INPP5A: variants seen among roughly 807,000 people sequenced by gnomAD.
The protein encoded by INPP5A is inositol polyphosphate-5-phosphatase A, also known as 43 kDa inositol polyphosphate 5-phophatase.
A neutral mutation model predicts 65.2 loss-of-function variants in INPP5A; 14 were observed. The ratio of observed to expected loss-of-function variants is 0.21; its 90% confidence interval spans 0.14 to 0.34. The LOEUF is 0.34. INPP5A is among the 10% of genes least tolerant of loss of function. INPP5A has a pLI of 1.00. For missense variants in INPP5A, 431 were observed against 545.6 expected (o/e 0.79, Z 2.09); for synonymous variants, 207 against 208.3 (o/e 0.99, Z 0.05).
intron 1 of INPP5A, among the ~76,000 whole-genome samples, chr10:132,599,791 G>A (rs550906326): frequency 3.3e-5 from 5 of 152,262 alleles, no homozygotes; most frequent in African/African-American, 1.2e-4. Context: ...CCAAACCTCA[G>A]TTCTTGTCTT....
At chr10:132,622,185 T>C (rs2072119223) in intron 2 of INPP5A, among the ~76,000 whole-genome samples, 1 of 152,160 alleles carries the variant, frequency 6.6e-6, no homozygotes, top group Non-Finnish European at 1.5e-5. Context: ...TATGTCAATA[T>C]CTCTGTACTG....
rs557251892 is a variant in INPP5A at position 132,659,405 on chromosome 10, C to T, written c.306+8900C>T. 7.5e-4 allele frequency among the ~76,000 whole-genome samples: 114 copies of T among 152,232 alleles called. No individual in the cohort carries two copies. The highest frequency in any genetic ancestry group is 2.7e-3 in the African/African-American group (113 of 41,558). ...GAGGGTTCCCTAGCTCTGGGTGAGG[C>T]GGGAGTGGTGGGCAGTGCTGGCCAT... On this transcript the variant is annotated intron_variant, in intron 4 of 15. Transcript: ENST00000368594. The surrounding 1 kb of genome is among the most constrained non-coding windows in gnomAD (Gnocchi z 5.5).
intron 1 of INPP5A, among the ~76,000 whole-genome samples, chr10:132,586,916 T>G (rs186624378): frequency 6.6e-6 from 1 of 152,186 alleles, no homozygotes; most frequent in Non-Finnish European, 1.5e-5. Context: ...GTGCCCACTT[T>G]GTGTTTGTAA....
chr10:132,756,194 T>C (rs1324360162), intron 11 of INPP5A, among the ~76,000 whole-genome samples: 1 of 152,186 alleles, frequency 6.6e-6, no homozygotes, highest in Non-Finnish European at 1.5e-5. Flanking sequence ...TGTACACATA[T>C]GTGTGTGCGT....
intron 13 of INPP5A, among the ~76,000 whole-genome samples, chr10:132,779,353 C>T (rs1209851910): frequency 1.3e-5 from 2 of 152,264 alleles, no homozygotes; most frequent in Non-Finnish European, 2.9e-5. Flanking sequence ...AGGGCTGCCA[C>T]CAGCGGGGCA....
chr10:132,747,132 C>T (rs1479522575), intron 9 of INPP5A, among the ~76,000 whole-genome samples: 10 of 152,228 alleles, frequency 6.6e-5, no homozygotes, highest in Non-Finnish European at 1.0e-4. Flanking sequence ...CTACAATGGC[C>T]GTCTGCCTGC....
intron 9 of INPP5A, among the ~76,000 whole-genome samples, chr10:132,731,039 C>T (rs1257974459): frequency 6.6e-6 from 1 of 152,216 alleles, no homozygotes; most frequent in Admixed American, 6.5e-5. Flanking sequence ...TCAGCTGCTC[C>T]CCAGTGCATC....
chr10:132,612,655 A>C (rs1269493662), intron 2 of INPP5A, among the ~76,000 whole-genome samples: 1 of 151,982 alleles, frequency 6.6e-6, no homozygotes, highest in Admixed American at 6.5e-5. Context: ...CGCTGGCTGG[A>C]GGGGCCCTTG....
chr10:132,652,139 T>C (rs2072586372), intron 4 of INPP5A, among the ~76,000 whole-genome samples: 1 of 151,954 alleles, frequency 6.6e-6, no homozygotes, highest in Admixed American at 6.5e-5. Flanking sequence ...CCTCTCACTC[T>C]CCTCTGCCAT....
chr10:132,765,652 G>T, intron 11 of INPP5A, 121 bp from the exon 12 acceptor site: 1 of 675,024 alleles, frequency 1.5e-6, no homozygotes. Flanking sequence ...GACAGATGTG[G>T]CGGCTCTGGG....
chr10:132,634,807 A>G (rs1448795420), intron 2 of INPP5A, among the ~76,000 whole-genome samples: 2 of 152,220 alleles, frequency 1.3e-5, no homozygotes, highest in African/African-American at 4.8e-5. Context: ...TGGCCCTCCC[A>G]GGCTCTCGGC....
intron 4 of INPP5A, among the ~76,000 whole-genome samples, chr10:132,656,854 C>G (rs910435881): frequency 9.2e-5 from 14 of 152,234 alleles, no homozygotes; most frequent in Admixed American, 3.9e-4. Context: ...CAGGGCTCCA[C>G]AGGCCTGGGC....
chr10:132,747,546 C>T (rs1272333115), intron 9 of INPP5A, among the ~76,000 whole-genome samples: 3 of 152,218 alleles, frequency 2.0e-5, no homozygotes, highest in South Asian at 2.1e-4. Context: ...AGCGCATGCC[C>T]GGAACCTGCA....
At chr10:132,742,173 A>G (rs777228308) in intron 9 of INPP5A, among the ~76,000 whole-genome samples, 1 of 152,366 alleles carries the variant, frequency 6.6e-6, no homozygotes. Context: ...AGTGCTCCTC[A>G]TAGGAGCCTG....
At position 132,705,300 on chromosome 10, in the gene INPP5A, C is replaced by A. The variant is rs1171286781; in HGVS notation, c.475-3013C>A. ...TCAGAGACAAGTGTCTGGTGCAGCA[C>A]GCAGGGAGCCTGCCACCCCGCCACC... On this transcript the variant is annotated intron_variant, in intron 6 of 15. Transcript: ENST00000368594. The surrounding 1 kb of genome is among the most constrained non-coding windows in gnomAD (Gnocchi z 4.9). 6.6e-6 allele frequency among the ~76,000 whole-genome samples: 1 copy of A among 152,196 alleles called. No homozygotes were observed. Among genetic ancestry groups the A allele is most frequent in the Non-Finnish European group, 1.5e-5 (1 of 68,024 alleles).
intron 4 of INPP5A, among the ~76,000 whole-genome samples, chr10:132,680,961 G>C (rs554010311): frequency 2.0e-5 from 3 of 152,192 alleles, no homozygotes; most frequent in African/African-American, 7.2e-5. Flanking sequence ...CTGTGCGGCC[G>C]GAGCCTCCCC....
chr10:132,565,527 A>G (rs2071261153), intron 1 of INPP5A, among the ~76,000 whole-genome samples: 1 of 152,212 alleles, frequency 6.6e-6, no homozygotes. Context: ...AACAGGCAAG[A>G]CAAAAGCCTT....
Position 132,663,361 on chromosome 10 carries a change from A to G in INPP5A, c.306+12856A>G, listed in dbSNP as rs78275516. ...CTCAGCCTCCCAAGTAGCTGAGGAT[A>G]CAGGTGTGCATCACCACGCCTGGCT... On this transcript the variant is annotated intron_variant, in intron 4 of 15. Transcript: ENST00000368594. This position sits in a 1 kb window ranked among gnomAD's most constrained non-coding sequence, Gnocchi z 4.5. Among the ~76,000 whole-genome samples, 2,304 of 152,072 alleles carry G rather than the reference A, an allele frequency of 0.015. 49 individuals carry two copies. The highest frequency in any genetic ancestry group is 0.052 in the African/African-American group (2,142 of 41,468).
chr10:132,743,161 G>T (rs1379818258), intron 9 of INPP5A, among the ~76,000 whole-genome samples: 3 of 137,760 alleles, frequency 2.2e-5, no homozygotes, highest in Non-Finnish European at 3.3e-5. Context: ...GCCCCAGCAG[G>T]GACTGGGCCC....
Sources: allele counts gnomAD v4.1 joint callset (sites outside exome capture counted in the v4.1 genomes callset), GRCh38; gene constraint gnomAD v4.1.1; non-coding constraint Gnocchi (gnomAD v3.1); transcripts MANE v1.5; gene names NCBI Gene and HGNC (gene_info 2026-07-23, HGNC 2026-07-21).